ZNF438: variants seen among roughly 807,000 people sequenced by gnomAD.
ZNF438 encodes the protein zinc finger protein 438.
A neutral mutation model predicts 38.0 loss-of-function variants in ZNF438; 25 were observed. The ratio of observed to expected loss-of-function variants is 0.66; its 90% CI spans 0.48 to 0.92. ZNF438 has a LOEUF of 0.92. Ranked by LOEUF, ZNF438 falls within the 40% of genes least tolerant of loss-of-function variation. The pLI is 0.00. For missense variants in ZNF438, 1,007 were observed against 999.6 expected (o/e 1.01, Z -0.10); for synonymous variants, 372 against 364.1 (o/e 1.02, Z -0.25).
chr10:30,958,914 AGTATTCCAAT>A (rs2049163640), intron 1 of ZNF438, among the ~76,000 whole-genome samples: 1 of 147,492 alleles, frequency 6.8e-6, no homozygotes, highest in African/African-American at 2.4e-5. Flanking sequence ...ATTGCTGAAT[AGTATTCCAAT>A]GTATAGATAT....
rs115729344 is a variant in ZNF438 at position 30,918,166 on chromosome 10, G to A, written c.-114-9151C>T. On this transcript the variant is annotated intron_variant, in intron 2 of 5. Transcript: ENST00000413025. ...AATTTATTAGTTTATCCTTATGGCA[G>A]CACCATGCTATCTGGATTACTGCAG... 5.9e-3 allele frequency among the ~76,000 whole-genome samples: 894 copies of A among 152,200 alleles called. 8 individuals are homozygous for A. Among genetic ancestry groups the A allele is most frequent in the African/African-American group, 0.021 (861 of 41,538 alleles).
intron 1 of ZNF438, among the ~76,000 whole-genome samples, chr10:31,012,284 C>G (rs868190586): frequency 3.3e-5 from 5 of 151,858 alleles, no homozygotes; most frequent in Admixed American, 2.6e-4. Context: ...CCACCACGCC[C>G]GGCTAATTTT....
At chr10:30,849,324 A>G in exon 5 of ZNF438, 1 of 1,614,178 alleles carries the variant, frequency 6.2e-7, no homozygotes. Context: ...GGTGGACAAA[A>G]GGCACTTTCA....
chr10:30,934,820 G>A (rs1235874504), intron 2 of ZNF438, among the ~76,000 whole-genome samples: 1 of 152,106 alleles, frequency 6.6e-6, no homozygotes, highest in Non-Finnish European at 1.5e-5. Context: ...GATTGCTTCT[G>A]GCAAGTGAAA....
intron 1 of ZNF438, among the ~76,000 whole-genome samples, chr10:30,951,582 A>G (rs923285685): frequency 2.0e-5 from 3 of 152,196 alleles, no homozygotes; most frequent in Non-Finnish European, 4.4e-5. Flanking sequence ...TACAAAAATC[A>G]CAAGCATTCT....
At chr10:30,893,288 C>A (rs953955021) in intron 3 of ZNF438, among the ~76,000 whole-genome samples, 1 of 152,096 alleles carries the variant, frequency 6.6e-6, no homozygotes, top group Non-Finnish European at 1.5e-5. Context: ...CAATGAAAAC[C>A]AAGTTTCCCA....
chr10:30,857,692 T>C (rs780384905), intron 4 of ZNF438: 2 of 1,504,972 alleles, frequency 1.3e-6, no homozygotes, highest in South Asian at 1.3e-5. Flanking sequence ...TCCATAGGAC[T>C]CTGAGAAATC....
At chr10:30,980,076 G>C (rs1007490161) in intron 1 of ZNF438, among the ~76,000 whole-genome samples, 2 of 152,094 alleles carry the variant, frequency 1.3e-5, no homozygotes, top group South Asian at 2.1e-4. Context: ...ATGGACTTGG[G>C]AGTATCTAAG....
chr10:30,959,274 T>C (rs1344161030), intron 1 of ZNF438, among the ~76,000 whole-genome samples: 2 of 146,668 alleles, frequency 1.4e-5, no homozygotes, highest in African/African-American at 4.9e-5. Flanking sequence ...TGGGGGAGCT[T>C]CATCTAATGA....
At chr10:30,875,566 C>T (rs2038284231) in intron 4 of ZNF438, 1 of 985,456 alleles carries the variant, frequency 1.0e-6, no homozygotes, top group Non-Finnish European at 1.2e-6. Context: ...CCTTCATCAG[C>T]TACCAAGTGC....
intron 1 of ZNF438, among the ~76,000 whole-genome samples, chr10:30,947,841 C>G (rs561854632): frequency 1.5e-4 from 23 of 152,358 alleles, no homozygotes; most frequent in Non-Finnish European, 3.1e-4. Flanking sequence ...CTCCCTGACC[C>G]CTTGCGCTTC....
At chr10:30,869,862 C>G (rs2037108541) in intron 4 of ZNF438, among the ~76,000 whole-genome samples, 1 of 152,086 alleles carries the variant, frequency 6.6e-6, no homozygotes, top group South Asian at 2.1e-4. Context: ...TGATATTTTC[C>G]CCCAATAGTG....
chr10:30,982,087 C>T (rs1375136530), intron 1 of ZNF438, among the ~76,000 whole-genome samples: 1 of 104,596 alleles, frequency 9.6e-6, no homozygotes, highest in African/African-American at 3.7e-5. Flanking sequence ...GAAAACCATC[C>T]TTTTTCTCTT....
At chr10:30,855,197 G>C (rs1028794439) in intron 4 of ZNF438, among the ~76,000 whole-genome samples, 1 of 152,166 alleles carries the variant, frequency 6.6e-6, no homozygotes, top group African/African-American at 2.4e-5. Flanking sequence ...TGTGGCCTGG[G>C]AACAACAGGA....
At chr10:30,853,050 A>T (rs536987641) in intron 4 of ZNF438, among the ~76,000 whole-genome samples, 15 of 152,328 alleles carry the variant, frequency 9.8e-5, no homozygotes, top group African/African-American at 3.4e-4. Context: ...AGAAAGCCTA[A>T]AATTATTGAT....
At chr10:31,021,087 C>G (rs1164834567) in intron 1 of ZNF438, among the ~76,000 whole-genome samples, 1 of 147,740 alleles carries the variant, frequency 6.8e-6, no homozygotes, top group African/African-American at 2.5e-5. Flanking sequence ...GACAGGCTCT[C>G]ACTCTGTCAC....
At chr10:30,859,642 C>T (rs1021269318) in intron 4 of ZNF438, among the ~76,000 whole-genome samples, 4 of 152,130 alleles carry the variant, frequency 2.6e-5, no homozygotes, top group Non-Finnish European at 5.9e-5. Flanking sequence ...ATGAAATGGG[C>T]ATAATAATAT....
chr10:31,005,424 A>G (rs539358319), intron 1 of ZNF438, among the ~76,000 whole-genome samples: 43 of 152,338 alleles, frequency 2.8e-4, no homozygotes, highest in African/African-American at 9.6e-4. Context: ...GCATGATTTC[A>G]CTTATATGTG....
At chr10:30,982,048 A>G (rs1387238646) in intron 1 of ZNF438, among the ~76,000 whole-genome samples, 3 of 150,308 alleles carry the variant, frequency 2.0e-5, no homozygotes, top group Non-Finnish European at 4.4e-5. Context: ...GAACTATTAC[A>G]TGATCAATGT....
Sources: gnomAD v4.1 joint callset for allele counts (sites outside exome capture counted in the v4.1 genomes callset) on GRCh38, gnomAD v4.1.1 for gene constraint, MANE v1.5 for transcripts, NCBI Gene and HGNC (gene_info 2026-07-23, HGNC 2026-07-21) for gene names.